The following HIBADH variants were observed in gnomAD, a reference collection of about 807,000 sequenced individuals.
HIBADH encodes 3-hydroxyisobutyrate dehydrogenase, mitochondrial.
In HIBADH, 25 loss-of-function variants were observed where a neutral mutation model predicts 36.1. The ratio of observed to expected loss-of-function variants is 0.69; its 90% CI spans 0.50 to 0.97. The LOEUF (loss-of-function observed/expected upper bound fraction) is 0.97. Ranked by LOEUF, HIBADH falls within the 50% of genes least tolerant of loss-of-function variation. The probability of loss-of-function intolerance (pLI) is 0.00; values close to 1 mark genes in which losing one functional copy is unlikely to be tolerated. For synonymous variants in HIBADH, 160 were observed against 149.5 expected, an observed-to-expected ratio of 1.07 and a Z score of -0.51; for missense variants, 421 against 418.0, an observed-to-expected ratio of 1.01 and a Z score of -0.06.
intron 1 of HIBADH, 79 bp from the exon 2 acceptor site, chr7:27,649,712 T>C (rs1311899516): frequency 6.7e-6 from 9 of 1,335,744 alleles, no homozygotes; most frequent in African/African-American, 3.0e-5. Context: ...AGCAAGTCAA[T>C]TGTTAGATTT....
intron 7 of HIBADH, among the ~76,000 whole-genome samples, chr7:27,529,619 T>C (rs758040023): frequency 3.3e-5 from 5 of 152,230 alleles, no homozygotes; most frequent in Admixed American, 6.5e-5. Context: ...TTGCTTCTTA[T>C]GGATGAGCAA....
At chr7:27,615,919 C>T (rs1583599193) in intron 4 of HIBADH, among the ~76,000 whole-genome samples, 1 of 152,072 alleles carries the variant, frequency 6.6e-6, no homozygotes, top group African/African-American at 2.4e-5. Flanking sequence ...TCCAGTGAGA[C>T]AAGATGTAGA....
chr7:27,611,801 A>C (rs1050399896), intron 4 of HIBADH, among the ~76,000 whole-genome samples: 1 of 152,214 alleles, frequency 6.6e-6, no homozygotes, highest in Non-Finnish European at 1.5e-5. Flanking sequence ...ATACAAAGAT[A>C]AATGTTCCAT....
In HIBADH at chr7:27,526,322, A is replaced by G. The variant is rs1308127989; in HGVS notation, c.903T>C (p.Leu301=). 2.5e-6 allele frequency: 4 copies of G among 1,613,586 alleles called. No homozygotes were observed. The South Asian group carries it at 4.4e-5, about 18-fold the overall frequency. Residue 301 remains leucine (L), a synonymous_variant, in exon 8 of 8, where the codon CTT becomes CTC. Coordinates refer to ENST00000265395, the MANE Select transcript of HIBADH (RefSeq NM_152740.4). The part of the protein sequence containing the change: ...DSATSTKSPI[L]LGSLAHQIYR... ...AGATCTGATGGGCCAGACTGCCAAG[A>G]AGGATTGGGCTCTTTGTGCTGGTAG...
At chr7:27,593,988 A>C (rs1436904190) in intron 4 of HIBADH, among the ~76,000 whole-genome samples, 3 of 151,200 alleles carry the variant, frequency 2.0e-5, no homozygotes, top group African/African-American at 7.3e-5. Flanking sequence ...GCGCCACTGC[A>C]CTCCAGCCTG....
chr7:27,553,304 A>G (rs1434251557), intron 4 of HIBADH, among the ~76,000 whole-genome samples: 1 of 152,218 alleles, frequency 6.6e-6, no homozygotes, highest in Non-Finnish European at 1.5e-5. Context: ...CAGGGAGAAG[A>G]GAAGCGGTCG....
intron 2 of HIBADH, among the ~76,000 whole-genome samples, chr7:27,638,327 AAAAC>A (rs1249118437): frequency 2.4e-3 from 266 of 112,934 alleles, no homozygotes; most frequent in South Asian, 0.016. Flanking sequence ...AAAAAAAAAA[AAAAC>A]AAGCAATAAG....
At position 27,540,071 on chromosome 7, in the gene HIBADH, G is replaced by C. The variant is rs556061325; in HGVS notation, c.619-1654C>G. 7.6e-4 allele frequency among the ~76,000 whole-genome samples: 116 copies of C among 152,000 alleles called. 2 individuals are homozygous for C. Among genetic ancestry groups the C allele is most frequent in the African/African-American group, 2.6e-3 (107 of 41,462 alleles). On this transcript the variant is annotated intron_variant, in intron 5 of 7. Transcript: ENST00000265395. ...GAGGCAGAAGGGGCAGGCACACTCC[G>C]GATAACTTTATGGAAATTGTAATTT...
At chr7:27,589,695 G>A (rs929015435) in intron 4 of HIBADH, among the ~76,000 whole-genome samples, 1 of 152,314 alleles carries the variant, frequency 6.6e-6, no homozygotes, top group East Asian at 1.9e-4. Flanking sequence ...GTACTTGATT[G>A]TAAGACAATC....
At chr7:27,565,052 G>A (rs1014248857) in intron 4 of HIBADH, among the ~76,000 whole-genome samples, 1 of 152,030 alleles carries the variant, frequency 6.6e-6, no homozygotes, top group African/African-American at 2.4e-5. Flanking sequence ...CCTTTCATAT[G>A]CAAACCAACC....
At position 27,543,086 on chromosome 7, in the gene HIBADH, G is replaced by A. The variant is rs1215114877; in HGVS notation, c.499C>T (p.Arg167Ter). The change falls in exon 5 of 8, where the codon CGA becomes TGA. Residue 167 changes from arginine (R) to a stop codon, truncating the protein, a stop_gained. Transcript: ENST00000265395. LOFTEE classifies it high-confidence loss of function. ...ACCATAAACGTGAGGTTCCCAGATC[G>A]TGCAGCTCCTACACCTGAATCATTT... ...APVSGGVGAA[R>*]SGNLTFMVGG... 12 of 1,613,546 alleles carry A rather than the reference G, an allele frequency of 7.4e-6. No individual in the cohort carries two copies. The highest frequency in any genetic ancestry group is 2.2e-5 in the East Asian group (1 of 44,852).
At chr7:27,606,967 C>T (rs373112501) in intron 4 of HIBADH, among the ~76,000 whole-genome samples, 2 of 152,140 alleles carry the variant, frequency 1.3e-5, no homozygotes, top group Admixed American at 6.5e-5. Flanking sequence ...ACCCCCACCC[C>T]CTAACCCTTG....
intron 1 of HIBADH, among the ~76,000 whole-genome samples, chr7:27,660,619 T>C (rs1786396994): frequency 6.6e-6 from 1 of 151,502 alleles, no homozygotes; most frequent in Non-Finnish European, 1.5e-5. Context: ...GAGCTGAGAT[T>C]GCGCCAATGC....
intron 4 of HIBADH, among the ~76,000 whole-genome samples, chr7:27,605,934 T>C (rs1785218646): frequency 6.6e-6 from 1 of 152,188 alleles, no homozygotes; most frequent in African/African-American, 2.4e-5. Flanking sequence ...TGAGCTGTTC[T>C]ATGAAATACT....
chr7:27,649,716 T>C (rs1008598805), intron 1 of HIBADH, 83 bp from the exon 2 acceptor site: 19 of 1,321,566 alleles, frequency 1.4e-5, no homozygotes, highest in Non-Finnish European at 1.8e-5. Flanking sequence ...AGTCAATTGT[T>C]AGATTTTTTT....
intron 4 of HIBADH, among the ~76,000 whole-genome samples, chr7:27,627,182 C>T (rs1027209582): frequency 6.6e-6 from 1 of 152,210 alleles, no homozygotes; most frequent in African/African-American, 2.4e-5. Context: ...ATCTCTGACA[C>T]TGGACCTTTT....
rs150502021 is a variant in HIBADH at position 27,610,794 on chromosome 7, CAA to C, written c.484+18575_484+18576del. On this transcript the variant is annotated intron_variant, in intron 4 of 7. Coordinates refer to ENST00000265395, the MANE Select transcript of HIBADH (RefSeq NM_152740.4). Reference sequence around the variant, plus strand: ...TAAGAAAACGTTTTAATGGAAATGCCAAAAGACCCTTAACTATAATAGTGTTA... The same window carrying C: ...TAAGAAAACGTTTTAATGGAAATGCCAAGACCCTTAACTATAATAGTGTTA... Among the ~76,000 whole-genome samples the C allele has an allele frequency of 4.6e-3, 705 of 152,184 alleles. 5 individuals carry two copies. Among genetic ancestry groups the C allele is most frequent in the Admixed American group, 7.5e-3 (114 of 15,278 alleles).
chr7:27,539,556 C>T (rs1386867488), intron 5 of HIBADH, among the ~76,000 whole-genome samples: 1 of 152,064 alleles, frequency 6.6e-6, no homozygotes, highest in Non-Finnish European at 1.5e-5. Flanking sequence ...TCACCTCATA[C>T]TTCTAAATGA....
chr7:27,647,408 G>A (rs896831358), intron 2 of HIBADH, among the ~76,000 whole-genome samples: 1 of 152,136 alleles, frequency 6.6e-6, no homozygotes, highest in Non-Finnish European at 1.5e-5. Context: ...AACTGAAATC[G>A]TAGAAAGTGA....
Sources: allele counts gnomAD v4.1 joint callset (sites outside exome capture counted in the v4.1 genomes callset), GRCh38; gene constraint gnomAD v4.1.1; transcripts MANE v1.5; gene names NCBI Gene and HGNC (gene_info 2026-07-23, HGNC 2026-07-21).